Variants in SLC35E4 observed in about 807,000 individuals in gnomAD.
SLC35E4 encodes solute carrier family 35, member E4.
Under a neutral mutation model 19.3 loss-of-function variants are expected in SLC35E4, and 15 were observed. The ratio of observed to expected loss-of-function variants is 0.78; its 90% CI spans 0.52 to 1.20. The LOEUF is 1.20. SLC35E4 is among the 50% of genes most tolerant of loss of function. SLC35E4 has a pLI of 0.00. For synonymous variants in SLC35E4, 219 were observed against 219.9 expected (o/e 1.00, Z 0.04); for missense variants, 406 against 472.3 (o/e 0.86, Z 1.30).
downstream of SLC35E4, among the ~76,000 whole-genome samples, chr22:30,651,848 G>C (rs1257288957): frequency 1.3e-5 from 2 of 152,088 alleles, no homozygotes; most frequent in African/African-American, 4.8e-5. Context: ...TTCGGGAGTG[G>C]CTTAGTGGGT....
At chr22:30,663,213 A>T in exon 3 of SLC35E4, 1 of 543,686 alleles carries the variant, frequency 1.8e-6, no homozygotes, top group Non-Finnish European at 3.2e-6. Flanking sequence ...GGCCAGTGTC[A>T]CTCACAGGGC....
chr22:30,660,026 A>G (rs1419711604), intron 2 of SLC35E4, among the ~76,000 whole-genome samples: 1 of 152,220 alleles, frequency 6.6e-6, no homozygotes, highest in Non-Finnish European at 1.5e-5. Context: ...TCTACCCTGC[A>G]ACTGCAATAC....
At chr22:30,665,511 C>T (rs753549425), downstream of SLC35E4, 5 of 471,052 alleles carry the variant, frequency 1.1e-5, no homozygotes, top group Non-Finnish European at 2.2e-5. Flanking sequence ...CTGGTCCATT[C>T]AGCAGAGGAC....
chr22:30,667,332 T>A (rs186149797), downstream of SLC35E4: 2 of 152,254 alleles, frequency 1.3e-5, no homozygotes, highest in African/African-American at 4.8e-5. Flanking sequence ...GTTATAAACA[T>A]GGAACAAAGT....
At chr22:30,651,371 T>TTGTG (rs1555899346), downstream of SLC35E4, among the ~76,000 whole-genome samples, 1,115 of 41,046 alleles carry the variant, frequency 0.027, 25 homozygotes, top group Non-Finnish European at 0.03. Flanking sequence ...TGGCTAATTT[T>TTGTG]TGTGTGTGTG....
downstream of SLC35E4, among the ~76,000 whole-genome samples, chr22:30,649,569 G>C (rs1249622763): frequency 7.6e-6 from 1 of 131,550 alleles, no homozygotes; most frequent in African/African-American, 2.9e-5. Context: ...CTGCCTTACA[G>C]AAGGGGAAGT....
At position 30,646,854 on chromosome 22, in the gene SLC35E4, G is replaced by C. The variant is rs758117745; in HGVS notation, c.876G>C (p.Val292=). The C allele has an allele frequency of 6.2e-7, 1 of 1,614,222 alleles. No individual in the cohort carries two copies. The highest frequency in any genetic ancestry group is 1.1e-5 in the South Asian group (1 of 91,086). The stretch of plus-strand genomic sequence containing the variant: ...TCCACGTCCTGGGCAACCTCACCGT[G>C]GTGGGCAACCTCATCCTGTCCCGGC... ...LTVHVLGNLT[V]VGNLILSRLL... The change falls in exon 2 of 2, where the codon GTG becomes GTC. Residue 292 remains valine, a synonymous_variant. Transcript: ENST00000343605.
downstream of SLC35E4, among the ~76,000 whole-genome samples, chr22:30,666,316 G>A (rs2145628084): frequency 6.6e-6 from 1 of 152,224 alleles, no homozygotes; most frequent in Non-Finnish European, 1.5e-5. Flanking sequence ...TCATTTTCAT[G>A]CTAGTTAAGA....
In SLC35E4 at chr22:30,639,577, G is replaced by A. The variant is rs535544240; in HGVS notation, c.619+2508G>A. Among the ~76,000 whole-genome samples, 35 of 152,160 alleles carry A rather than the reference G, an allele frequency of 2.3e-4. No homozygotes were observed. The Middle Eastern group carries it at 0.01, about 44-fold the overall frequency. On this transcript the variant is annotated intron_variant, in intron 1 of 1. Coordinates refer to ENST00000343605, the MANE Select transcript of SLC35E4 (RefSeq NM_001001479.4). The stretch of plus-strand genomic sequence containing the variant: ...ACAGCTTCGACCATAAAAGATGGCC[G>A]CCCCCCAGAAGCAGCCATTTTAGAG...
chr22:30,645,146 A>G (rs1723684219), intron 1 of SLC35E4, among the ~76,000 whole-genome samples: 1 of 152,182 alleles, frequency 6.6e-6, no homozygotes, highest in African/African-American at 2.4e-5. Flanking sequence ...CTTCTTTTTT[A>G]ATGCAAAGGC....
chr22:30,659,592 G>A (rs905662037), intron 2 of SLC35E4, among the ~76,000 whole-genome samples: 4 of 152,040 alleles, frequency 2.6e-5, no homozygotes, highest in African/African-American at 4.8e-5. Context: ...GGGTGGTCTC[G>A]AACTCCTGAC....
At chr22:30,638,021 AC>A in intron 1 of SLC35E4, among the ~76,000 whole-genome samples, 1 of 152,302 alleles carries the variant, frequency 6.6e-6, no homozygotes, top group East Asian at 1.9e-4. Context: ...CATGGCAACC[AC>A]CAACTTTATC....
downstream of SLC35E4, chr22:30,651,909 C>T (rs376338473): frequency 2.0e-5 from 3 of 152,178 alleles, no homozygotes; most frequent in African/African-American, 7.2e-5. Context: ...TTGGTCTGAG[C>T]TTCAGTCATC....
chr22:30,650,343 A>T (rs930313375), downstream of SLC35E4, among the ~76,000 whole-genome samples: 2 of 151,924 alleles, frequency 1.3e-5, no homozygotes, highest in African/African-American at 4.8e-5. Context: ...AAAAAAAAAA[A>T]AAATTAGACG....
downstream of SLC35E4, chr22:30,649,023 T>C: frequency 1.7e-6 from 1 of 604,422 alleles, no homozygotes; most frequent in Non-Finnish European, 3.0e-6. Context: ...TCCTTGGCTC[T>C]TGTAACACCT....
intron 1 of SLC35E4, among the ~76,000 whole-genome samples, chr22:30,643,505 AAGG>A (rs1349891932): frequency 6.6e-6 from 1 of 152,014 alleles, no homozygotes; most frequent in Non-Finnish European, 1.5e-5. Flanking sequence ...CTTCATACTG[AAGG>A]AGGAGGAAAG....
chr22:30,657,686 C>T lies in SLC35E4; in HGVS notation c.*9-4374C>T, dbSNP rs188147291. 9.8e-3 allele frequency among the ~76,000 whole-genome samples: 1,490 copies of T among 151,466 alleles called. 13 individuals are homozygous for T. The highest frequency in any genetic ancestry group is 0.031 in the South Asian group (147 of 4,786). The stretch of plus-strand genomic sequence containing the variant: ...TTGGGAGGCCGAGTCAGGTGGATCA[C>T]GAGGTCAGGAGATCGAGACAATCCT... On this transcript the variant is annotated intron_variant, in intron 2 of 2. Transcript: ENST00000406566.
chr22:30,660,861 A>G (rs2088443973), intron 2 of SLC35E4, among the ~76,000 whole-genome samples: 1 of 148,572 alleles, frequency 6.7e-6, no homozygotes, highest in Non-Finnish European at 1.5e-5. Context: ...TTTTTTTGAG[A>G]TGGAGTCTTG....
At chr22:30,643,932 G>C (rs1981591) in intron 1 of SLC35E4, among the ~76,000 whole-genome samples, 105,489 of 152,094 alleles carry the variant, frequency 0.69, 38,315 homozygotes, top group African/African-American at 0.92. Context: ...GACAGCGAAT[G>C]GCTGCCCTTT....
Sources: allele counts gnomAD v4.1 joint callset (sites outside exome capture counted in the v4.1 genomes callset), GRCh38; gene constraint gnomAD v4.1.1; transcripts MANE v1.5; gene names NCBI Gene and HGNC (gene_info 2026-07-23, HGNC 2026-07-21).